Variants in BCKDHB observed in about 807,000 individuals in gnomAD.
BCKDHB encodes the protein 2-oxoisovalerate dehydrogenase subunit beta, mitochondrial.
A neutral mutation model predicts 48.5 loss-of-function variants in BCKDHB; 41 were observed. That is an observed-to-expected ratio of 0.85 (90% CI 0.66 to 1.10). The LOEUF is 1.10. BCKDHB is among the 50% of genes least tolerant of loss of function. The probability of loss-of-function intolerance (pLI) is 0.00; values close to 1 mark genes in which losing one functional copy is unlikely to be tolerated. For synonymous variants in BCKDHB, 201 were observed against 174.8 expected, an observed-to-expected ratio of 1.15 and a Z score of -1.18; for missense variants, 496 against 494.2, an observed-to-expected ratio of 1.00 and a Z score of -0.03.
chr6:80,267,451 C>T (rs1200809199), intron 8 of BCKDHB, among the ~76,000 whole-genome samples: 1 of 152,032 alleles, frequency 6.6e-6, no homozygotes, highest in African/African-American at 2.4e-5. Context: ...GAAAGCCCAG[C>T]TGGTTGCGGG....
intron 8 of BCKDHB, among the ~76,000 whole-genome samples, chr6:80,208,873 T>G (rs950159331): frequency 6.6e-6 from 1 of 151,694 alleles, no homozygotes; most frequent in African/African-American, 2.4e-5. Context: ...TTACGGAGAG[T>G]GGAATCAAAG....
chr6:80,168,810 A>AGGG, intron 4 of BCKDHB, 65 bp from the exon 5 acceptor site: 8 of 700,218 alleles, frequency 1.1e-5, no homozygotes, highest in Middle Eastern at 3.2e-4. Flanking sequence ...AGGGAGGAAG[A>AGGG]ACGGAAGGAG....
At chr6:80,462,035 T>C in the BCKDHB span, among the ~76,000 whole-genome samples, 1 of 152,136 alleles carries the variant, frequency 6.6e-6, no homozygotes, top group Non-Finnish European at 1.5e-5. Flanking sequence ...GTTTATTTCA[T>C]GTTCCTATCC....
chr6:80,178,131 T>C (rs1773250592), intron 6 of BCKDHB, among the ~76,000 whole-genome samples: 1 of 152,236 alleles, frequency 6.6e-6, no homozygotes, highest in African/African-American at 2.4e-5. Context: ...GCCATGTGCC[T>C]CTATCTCAGC....
the BCKDHB span, among the ~76,000 whole-genome samples, chr6:80,458,178 T>C: frequency 6.0e-3 from 907 of 152,296 alleles, 9 homozygotes; most frequent in African/African-American, 0.02. Flanking sequence ...AGGACTATTT[T>C]GCCAGTCATC....
chr6:80,453,685 A>G, the BCKDHB span, among the ~76,000 whole-genome samples: 1 of 152,110 alleles, frequency 6.6e-6, no homozygotes, highest in Non-Finnish European at 1.5e-5. Context: ...ATGGGGCATG[A>G]TAGATAAAAA....
chr6:80,286,221 A>G (rs1055788384), intron 9 of BCKDHB, among the ~76,000 whole-genome samples: 2 of 152,176 alleles, frequency 1.3e-5, no homozygotes, highest in East Asian at 3.9e-4. Context: ...AAACTAAGGA[A>G]AAAAACAAGT....
downstream of BCKDHB, among the ~76,000 whole-genome samples, chr6:80,347,972 C>T (rs557121729): frequency 2.6e-5 from 4 of 152,140 alleles, no homozygotes; most frequent in Non-Finnish European, 4.4e-5. Flanking sequence ...ATAATAATGT[C>T]TGCTTCTTGT....
At position 80,218,381 on chromosome 6, in the gene BCKDHB, T is replaced by C. The variant is rs76147080; in HGVS notation, c.951+15169T>C. On this transcript the variant is annotated intron_variant, in intron 8 of 9. Coordinates refer to ENST00000320393, the MANE Select transcript of BCKDHB (RefSeq NM_183050.4). Reference sequence around the variant, plus strand: ...AATATGTTAAAAAGTTTTAGATTTTTCAGGAATCAGAAGCCTACCACACGC... The same window carrying C: ...AATATGTTAAAAAGTTTTAGATTTTCCAGGAATCAGAAGCCTACCACACGC... 7.0e-4 allele frequency among the ~76,000 whole-genome samples: 107 copies of C among 152,260 alleles called. No homozygotes were observed. In the East Asian group the frequency reaches 0.019, roughly 27 times the overall value.
chr6:80,187,375 C>T (rs1007981427), intron 6 of BCKDHB, among the ~76,000 whole-genome samples: 19 of 151,820 alleles, frequency 1.3e-4, no homozygotes, highest in Admixed American at 2.6e-4. Context: ...AACACTTAAA[C>T]CTAAGCTTTT....
intron 9 of BCKDHB, among the ~76,000 whole-genome samples, chr6:80,329,520 C>T (rs538494907): frequency 7.4e-4 from 112 of 152,244 alleles, no homozygotes; most frequent in African/African-American, 2.7e-3. Context: ...TTACTGTCTT[C>T]CTGGCAGGGC....
chr6:80,238,439 A>G (rs1253034322), intron 8 of BCKDHB, among the ~76,000 whole-genome samples: 3 of 152,136 alleles, frequency 2.0e-5, no homozygotes, highest in African/African-American at 7.2e-5. Context: ...CAAAAGAAAA[A>G]TCTTAGCCAC....
At chr6:80,327,976 GTTC>G (rs1769126011) in intron 9 of BCKDHB, among the ~76,000 whole-genome samples, 2 of 116,526 alleles carry the variant, frequency 1.7e-5, no homozygotes, top group African/African-American at 3.3e-5. Flanking sequence ...CCATCTGTAT[GTTC>G]TTTTCTTTTT....
chr6:80,434,310 G>A, the BCKDHB span, among the ~76,000 whole-genome samples: 1 of 151,046 alleles, frequency 6.6e-6, no homozygotes, highest in Non-Finnish European at 1.5e-5. Context: ...AACAGATTAT[G>A]AGTATTATTT....
the BCKDHB span, among the ~76,000 whole-genome samples, chr6:80,383,640 A>T: frequency 9.9e-5 from 15 of 152,064 alleles, no homozygotes; most frequent in African/African-American, 3.6e-4. Context: ...TTTTTTTCAA[A>T]ATATCCAATC....
chr6:80,367,374 A>T, the BCKDHB span, among the ~76,000 whole-genome samples: 1 of 152,206 alleles, frequency 6.6e-6, no homozygotes, highest in Non-Finnish European at 1.5e-5. Context: ...ATGTGTACTC[A>T]CCAAAATTAT....
chr6:80,447,956 C>T, the BCKDHB span, among the ~76,000 whole-genome samples: 1 of 151,912 alleles, frequency 6.6e-6, no homozygotes, highest in African/African-American at 2.4e-5. Context: ...ATGTGCCAAA[C>T]ATGGTAATAG....
At chr6:80,171,222 C>A in intron 5 of BCKDHB, 60 bp from the exon 6 acceptor site, 1 of 929,428 alleles carries the variant, frequency 1.1e-6, no homozygotes, top group Non-Finnish European at 1.7e-6. Flanking sequence ...CCCTTCTTAG[C>A]AGCGAGTTTA....
intron 8 of BCKDHB, among the ~76,000 whole-genome samples, chr6:80,226,612 A>G (rs1347779798): frequency 6.6e-6 from 1 of 152,166 alleles, no homozygotes; most frequent in African/African-American, 2.4e-5. Flanking sequence ...TGATTTTACC[A>G]ATTGTGTCTC....
Sources: allele counts gnomAD v4.1 joint callset (sites outside exome capture counted in the v4.1 genomes callset), GRCh38; gene constraint gnomAD v4.1.1; transcripts MANE v1.5; gene names NCBI Gene and HGNC (gene_info 2026-07-23, HGNC 2026-07-21).